Variants in BCORL1 observed in about 807,000 individuals in gnomAD.
The protein encoded by BCORL1 is BCL-6 corepressor-like protein 1.
A neutral mutation model predicts 87.6 loss-of-function variants in BCORL1; 7 were observed. That is an observed-to-expected ratio of 0.08 (90% CI 0.05 to 0.15). BCORL1 has a LOEUF of 0.15. Among genes scored for constraint, BCORL1 ranks in the 10% least tolerant of loss-of-function variants. The pLI, the probability that BCORL1 is intolerant of heterozygous loss-of-function variation, is 1.00. For synonymous variants in BCORL1, 591 were observed against 634.4 expected (o/e 0.93, Z 1.03); for missense variants, 1,215 against 1,499.7 (o/e 0.81, Z 3.13).
intron 6 of BCORL1, among the ~76,000 whole-genome samples, chrX:130,023,786 T>C (rs140362248): frequency 0.024 from 2,672 of 112,674 alleles, 79 homozygotes; most frequent in African/African-American, 0.082. Context: ...TATTTGATTC[T>C]TTGGAAATTG....
intron 1 of BCORL1, among the ~76,000 whole-genome samples, chrX:129,984,919 G>A (rs1442118052): frequency 8.9e-6 from 1 of 111,830 alleles, no homozygotes; most frequent in African/African-American, 3.3e-5. Context: ...GGAGTAGACA[G>A]TAAAGACAGG....
In BCORL1 at chrX:130,021,586, T is replaced by A. The variant is rs894775656; in HGVS notation, c.3607+436T>A. ...AGTTAGCTAGGAGAGTTTAGAGAAA[T>A]CTTAAACGTTTATTATCATTTAGGG... is the stretch of plus-strand genomic sequence containing the variant. On this transcript the variant is annotated intron_variant, in intron 5 of 13. Transcript: ENST00000540052. Among the ~76,000 whole-genome samples, 15 of 111,886 alleles carry A rather than the reference T, an allele frequency of 1.3e-4. No homozygotes were observed. The South Asian group carries it at 5.2e-3, about 39-fold the overall frequency.
intron 13 of BCORL1, among the ~76,000 whole-genome samples, chrX:130,055,136 A>T (rs1191379925): frequency 1.8e-5 from 2 of 111,508 alleles, no homozygotes; most frequent in Non-Finnish European, 3.8e-5. Flanking sequence ...GCATTAGTCA[A>T]TGTAAGCGTT....
intron 2 of BCORL1, among the ~76,000 whole-genome samples, chrX:130,006,611 G>A (rs1928524395): frequency 1.8e-5 from 2 of 110,884 alleles, no homozygotes; most frequent in South Asian, 3.8e-4. Context: ...CGCCCGCCTC[G>A]GCCTCCCAAA....
At chrX:130,048,145 CT>C (rs1253444095) in intron 11 of BCORL1, among the ~76,000 whole-genome samples, 2 of 112,373 alleles carry the variant, frequency 1.8e-5, no homozygotes, top group Non-Finnish European at 3.8e-5. Context: ...CCGCCATCAC[CT>C]GGAAGGTTGC....
chrX:130,033,386 C>T (rs1394255209), intron 8 of BCORL1, among the ~76,000 whole-genome samples: 1 of 111,915 alleles, frequency 8.9e-6, no homozygotes, highest in Non-Finnish European at 1.9e-5. Flanking sequence ...CCCGGCCTCT[C>T]CTAGTGTTTT....
At position 130,057,933 on chromosome X, in the gene BCORL1, G is replaced by A. The variant is rs998639545; in HGVS notation, c.*1797G>A. 9.1e-6 allele frequency: 1 copy of A among 109,386 alleles called. No individual in the cohort carries two copies. The highest frequency in any genetic ancestry group is 9.8e-5 in the Admixed American group (1 of 10,167). 9.0% of individuals were successfully genotyped at this position (109,386 alleles called of 1,213,427 possible). A position where few individuals can be genotyped will look rare whatever the true frequency, so the allele number is the denominator to read the frequency against. ...GGACTTTAATTTGTTGGTTTTGTTG[G>A]GGTTCCTGGTATTGTGTAGTTTATT... On this transcript the variant is annotated 3_prime_UTR_variant, in exon 14 of 14. Transcript: ENST00000540052.
At chrX:130,040,628 G>A (rs759143565) in intron 11 of BCORL1, among the ~76,000 whole-genome samples, 4 of 112,436 alleles carry the variant, frequency 3.6e-5, no homozygotes, top group South Asian at 3.6e-4. Flanking sequence ...TCCTTGAGGC[G>A]CAGAGCAGCC....
intron 1 of BCORL1, among the ~76,000 whole-genome samples, chrX:130,002,147 A>G (rs1928097915): frequency 9.1e-6 from 1 of 109,751 alleles, no homozygotes; most frequent in Admixed American, 9.8e-5. Context: ...AAGCTAGGAA[A>G]CACGCTGCTT....
chrX:130,026,272 T>G (rs1044070300), intron 7 of BCORL1, among the ~76,000 whole-genome samples: 16 of 112,522 alleles, frequency 1.4e-4, no homozygotes, highest in Non-Finnish European at 7.5e-5. Context: ...CCTTATTAGC[T>G]AAAACTGAAT....
intron 1 of BCORL1, among the ~76,000 whole-genome samples, chrX:129,989,673 A>C (rs1475327490): frequency 9.8e-6 from 1 of 102,377 alleles, no homozygotes; most frequent in African/African-American, 3.6e-5. Context: ...CACCATGTTG[A>C]CCAGGCTGGT....
At chrX:130,016,263 C>T in intron 4 of BCORL1, 50 bp downstream of exon 4, 4 of 1,137,514 alleles carry the variant, frequency 3.5e-6, no homozygotes, top group Non-Finnish European at 3.5e-6. Context: ...CGCTGGTCTA[C>T]TTCGTGCCAT....
Position 130,051,853 on chromosome X carries a change from C to T in BCORL1, c.4919-7C>T, listed in dbSNP as rs780402512. On this transcript the variant is annotated splice_polypyrimidine_tract_variant and splice_region_variant and intron_variant, in intron 12 of 13. Coordinates refer to ENST00000540052, the MANE Select transcript of BCORL1 (RefSeq NM_001379451.1). ...GAGTCCTAATCCCCTATATGCTCCC[C>T]TTACAGAGGAAAAAGACGGGTTTGC... 1 of 1,191,063 alleles carries T rather than the reference C, an allele frequency of 8.4e-7. No individual in the cohort carries two copies. Among genetic ancestry groups the T allele is most frequent in the Admixed American group, 2.3e-5 (1 of 43,515 alleles).
intron 13 of BCORL1, among the ~76,000 whole-genome samples, chrX:130,054,864 T>C (rs1312862909): frequency 2.7e-5 from 3 of 110,706 alleles, no homozygotes; most frequent in Non-Finnish European, 5.7e-5. Context: ...TGAGCCGAGA[T>C]TGCGCCACTG....
intron 4 of BCORL1, among the ~76,000 whole-genome samples, chrX:130,017,683 C>T (rs1390579630): frequency 6.5e-5 from 7 of 108,155 alleles, no homozygotes; most frequent in African/African-American, 2.4e-4. Context: ...GCTCTGTCAC[C>T]CGGGCTGGAG....
intron 11 of BCORL1, among the ~76,000 whole-genome samples, chrX:130,045,773 A>T (rs901882383): frequency 8.2e-5 from 9 of 109,542 alleles, no homozygotes; most frequent in Admixed American, 7.8e-4. Context: ...ACACATTACC[A>T]CACCAAAATA....
At chrX:130,048,340 T>A (rs1224428198) in intron 11 of BCORL1, among the ~76,000 whole-genome samples, 1 of 112,055 alleles carries the variant, frequency 8.9e-6, no homozygotes, top group East Asian at 2.8e-4. Flanking sequence ...ACCTCACCTG[T>A]GCCCTTTGGA....
chrX:130,055,518 G>T (rs1034691489), intron 13 of BCORL1, among the ~76,000 whole-genome samples: 1 of 112,599 alleles, frequency 8.9e-6, no homozygotes, highest in Non-Finnish European at 1.9e-5. Flanking sequence ...AGGGGCGCAG[G>T]CTAAGTCCCC....
chrX:130,054,242 T>C (rs1186381536), intron 13 of BCORL1, among the ~76,000 whole-genome samples: 1 of 112,409 alleles, frequency 8.9e-6, no homozygotes, highest in African/African-American at 3.2e-5. Flanking sequence ...TGAGCCCCCA[T>C]TGCTATGCTG....
Sources: gnomAD v4.1 joint callset for allele counts (sites outside exome capture counted in the v4.1 genomes callset) on GRCh38, gnomAD v4.1.1 for gene constraint, MANE v1.5 for transcripts, NCBI Gene and HGNC (gene_info 2026-07-23, HGNC 2026-07-21) for gene names.